RAD51B: variants seen among roughly 807,000 people sequenced by gnomAD.
The protein encoded by RAD51B is DNA repair protein RAD51 homolog 2.
In RAD51B, 38 loss-of-function variants were observed where a neutral mutation model predicts 42.2. The observed-to-expected ratio is 0.90, with a 90% CI of 0.70 to 1.18. The LOEUF (loss-of-function observed/expected upper bound fraction) is 1.18. RAD51B is among the 50% of genes most tolerant of loss of function. The pLI, the probability that RAD51B is intolerant of heterozygous loss-of-function variation, is 0.00. For missense variants in RAD51B, 373 were observed against 400.7 expected (o/e 0.93, Z 0.59); for synonymous variants, 154 against 145.2 (o/e 1.06, Z -0.43).
At chr14:68,529,821 C>G (rs1887162033) in intron 10 of RAD51B, among the ~76,000 whole-genome samples, 1 of 152,152 alleles carries the variant, frequency 6.6e-6, no homozygotes, top group Admixed American at 6.5e-5. Context: ...ATGGAACAAT[C>G]TGACTAAAAC....
chr14:68,281,428 C>T (rs2081317636), intron 7 of RAD51B, among the ~76,000 whole-genome samples: 1 of 152,154 alleles, frequency 6.6e-6, no homozygotes, highest in South Asian at 2.1e-4. Context: ...GCCAATTATA[C>T]AGTTGAAGAA....
At chr14:68,231,411 C>T (rs548377887) in intron 7 of RAD51B, among the ~76,000 whole-genome samples, 3 of 152,194 alleles carry the variant, frequency 2.0e-5, no homozygotes, top group South Asian at 2.1e-4. Flanking sequence ...TCTATAATTT[C>T]GATTCCTTTT....
At chr14:68,599,397 T>C (rs1379917789), downstream of RAD51B, among the ~76,000 whole-genome samples, 1 of 152,134 alleles carries the variant, frequency 6.6e-6, no homozygotes, top group Admixed American at 6.5e-5. Flanking sequence ...TTTAGGAAAC[T>C]CATTGCAAGT....
intron 8 of RAD51B, among the ~76,000 whole-genome samples, chr14:68,369,593 T>G (rs530623659): frequency 6.6e-6 from 1 of 152,230 alleles, no homozygotes; most frequent in Non-Finnish European, 1.5e-5. Context: ...TCAGTGACAT[T>G]TCTCTTTCAC....
chr14:68,609,169 T>G (rs984101458), intron 10 of RAD51B, among the ~76,000 whole-genome samples: 3 of 152,118 alleles, frequency 2.0e-5, no homozygotes, highest in Non-Finnish European at 4.4e-5. Flanking sequence ...ACCCTCACTC[T>G]CAACTTTACT....
chr14:68,531,182 G>A (rs550602524), intron 10 of RAD51B, among the ~76,000 whole-genome samples: 2 of 149,552 alleles, frequency 1.3e-5, no homozygotes, highest in African/African-American at 4.9e-5. Flanking sequence ...AAAGAAGACA[G>A]GAAAGAAGAA....
At chr14:68,235,422 C>T (rs1445714742) in intron 7 of RAD51B, among the ~76,000 whole-genome samples, 2 of 151,766 alleles carry the variant, frequency 1.3e-5, no homozygotes, top group Non-Finnish European at 2.9e-5. Context: ...CTGAGATCTT[C>T]GGCCGGGCGC....
chr14:67,865,278 C>A, intron 5 of RAD51B, 139 bp downstream of exon 5: 4 of 886,480 alleles, frequency 4.5e-6, no homozygotes, highest in South Asian at 3.1e-5. Flanking sequence ...TGCTCTGTTG[C>A]CGGGCTGGAG....
chr14:68,156,424 C>T (rs1352014889), intron 7 of RAD51B, among the ~76,000 whole-genome samples: 1 of 149,338 alleles, frequency 6.7e-6, no homozygotes, highest in African/African-American at 2.5e-5. Flanking sequence ...AGGGGAATCC[C>T]TTTTTAAGTC....
intron 8 of RAD51B, among the ~76,000 whole-genome samples, chr14:68,303,177 T>G (rs1366602858): frequency 6.6e-6 from 1 of 152,198 alleles, no homozygotes; most frequent in African/African-American, 2.4e-5. Context: ...TGCAGGGACA[T>G]GGATGAAGCT....
At chr14:67,869,960 G>A (rs1038934755) in intron 5 of RAD51B, among the ~76,000 whole-genome samples, 25 of 151,528 alleles carry the variant, frequency 1.6e-4, no homozygotes, top group Non-Finnish European at 3.5e-4. Flanking sequence ...AGGAACAACC[G>A]GTACCAGCCG....
At chr14:68,075,595 G>A (rs2076820145) in intron 7 of RAD51B, among the ~76,000 whole-genome samples, 1 of 151,928 alleles carries the variant, frequency 6.6e-6, no homozygotes, top group Non-Finnish European at 1.5e-5. Flanking sequence ...TCCTTCCTCA[G>A]TCTGAGAGCA....
chr14:68,119,170 A>G (rs1240497313), intron 7 of RAD51B, among the ~76,000 whole-genome samples: 1 of 151,550 alleles, frequency 6.6e-6, no homozygotes, highest in Non-Finnish European at 1.5e-5. Flanking sequence ...AGCTGAGACT[A>G]TAGGCACGTG....
At chr14:68,542,694 G>GA (rs1888030959) in intron 10 of RAD51B, among the ~76,000 whole-genome samples, 1 of 152,092 alleles carries the variant, frequency 6.6e-6, no homozygotes, top group Admixed American at 6.5e-5. Context: ...TTATTTCCTA[G>GA]AAAAAAATAA....
At chr14:68,163,861 A>G (rs2588818) in intron 7 of RAD51B, among the ~76,000 whole-genome samples, 126,851 of 152,166 alleles carry the variant, frequency 0.83, 53,065 homozygotes, top group East Asian at 0.98. Context: ...TTAGAATGCA[A>G]GTTCCTTTGT....
At chr14:68,630,332 C>T (rs1448535416) in intron 10 of RAD51B, among the ~76,000 whole-genome samples, 1 of 151,970 alleles carries the variant, frequency 6.6e-6, no homozygotes, top group Non-Finnish European at 1.5e-5. Context: ...GCCAGTGAAC[C>T]CCCTATCTCT....
At chr14:67,877,458 A>G (rs1222240943) in intron 5 of RAD51B, among the ~76,000 whole-genome samples, 1 of 152,146 alleles carries the variant, frequency 6.6e-6, no homozygotes, top group East Asian at 1.9e-4. Flanking sequence ...TCATTCATTC[A>G]TTCAGTAATG....
chr14:68,457,228 T>C (rs916900828), intron 9 of RAD51B, among the ~76,000 whole-genome samples: 1 of 151,754 alleles, frequency 6.6e-6, no homozygotes, highest in African/African-American at 2.4e-5. Context: ...ATGAAATCGA[T>C]AATCAGTAAC....
intron 9 of RAD51B, among the ~76,000 whole-genome samples, chr14:68,459,834 G>A (rs77439444): frequency 6.6e-6 from 1 of 152,152 alleles, no homozygotes; most frequent in Non-Finnish European, 1.5e-5. Flanking sequence ...GTCCTTACAG[G>A]AAGAAACTCT....
Sources: gnomAD v4.1 joint callset for allele counts (sites outside exome capture counted in the v4.1 genomes callset) on GRCh38, gnomAD v4.1.1 for gene constraint, MANE v1.5 for transcripts, NCBI Gene and HGNC (gene_info 2026-07-23, HGNC 2026-07-21) for gene names.